The following OPRM1 variants were observed in gnomAD, a reference collection of about 807,000 sequenced individuals.
OPRM1 encodes mu-type opioid receptor.
Under a neutral mutation model 31.8 loss-of-function variants are expected in OPRM1, and 27 were observed. The observed-to-expected ratio is 0.85, with a 90% CI of 0.63 to 1.17. The LOEUF (loss-of-function observed/expected upper bound fraction) is 1.17, where lower values mean the gene tolerates loss of function less well. Among genes scored for constraint, OPRM1 ranks in the 50% most tolerant of loss-of-function variants. OPRM1 has a pLI of 0.00. For synonymous variants in OPRM1, 196 were observed against 189.9 expected, an observed-to-expected ratio of 1.03 and a Z score of -0.26; for missense variants, 536 against 511.1, an observed-to-expected ratio of 1.05 and a Z score of -0.47.
chr6:154,096,218 A>G (rs760256101), intron 3 of OPRM1, among the ~76,000 whole-genome samples: 2 of 151,904 alleles, frequency 1.3e-5, no homozygotes, highest in Non-Finnish European at 2.9e-5. Context: ...CACCACACCC[A>G]GCTAATTTTT....
In OPRM1 at chr6:154,099,370, AG is replaced by A. The variant is rs528697468; in HGVS notation, c.1164+7899del. 6.1e-4 allele frequency among the ~76,000 whole-genome samples: 85 copies of A among 140,384 alleles called. 1 individual carries two copies. The South Asian group carries it at 0.011, about 18-fold the overall frequency. 92.1% of individuals were successfully genotyped at this position (140,384 alleles called of 152,430 possible). A position where few individuals can be genotyped will look rare whatever the true frequency, so the allele number is the denominator to read the frequency against. On this transcript the variant is annotated intron_variant, in intron 3 of 3. Coordinates refer to ENST00000330432, the MANE Select transcript of OPRM1 (RefSeq NM_000914.5). Reference sequence around the variant, plus strand: ...GAGCGAGAGAGAGAGAGAGAGAGAAAGAAAGAGAAAGAAAGAGAAAGAAAGA... The same window carrying A: ...GAGCGAGAGAGAGAGAGAGAGAGAAAAAAGAGAAAGAAAGAGAAAGAAAGA...
downstream of OPRM1, among the ~76,000 whole-genome samples, chr6:154,136,831 G>A (rs1342973752): frequency 1.3e-5 from 2 of 152,114 alleles, no homozygotes; most frequent in Non-Finnish European, 2.9e-5. Flanking sequence ...GAAAAGGGAG[G>A]CAAGCCGAGC....
intron 1 of OPRM1, among the ~76,000 whole-genome samples, chr6:154,019,747 C>CTTTTCTTTTTTTTTTTTTTTTTTTTT (rs61209522): frequency 4.1e-5 from 5 of 122,016 alleles, no homozygotes; most frequent in African/African-American, 1.0e-4. Context: ...CTTTTCTTTT[C>CTTTTCTTTTTTTTTTTTTTTTTTTTT]TTTTTTTTTT....
intron 3 of OPRM1, among the ~76,000 whole-genome samples, chr6:154,149,946 A>G (rs1007727385): frequency 2.6e-5 from 4 of 152,162 alleles, no homozygotes; most frequent in Non-Finnish European, 5.9e-5. Flanking sequence ...GACAGCCACC[A>G]TAGCTTTTTA....
chr6:154,130,582 CCTA>C lies in OPRM1; in HGVS notation c.*11862_*11864del, dbSNP rs1797839632. ...TTAGGCATAGCTATATGAATATTTG[CCTA>C]TAAATCCCCATCAATTTAATAGGAA... is the stretch of plus-strand genomic sequence containing the variant. On this transcript the variant is annotated 3_prime_UTR_variant, in exon 4 of 4. Coordinates refer to ENST00000330432, the MANE Select transcript of OPRM1 (RefSeq NM_000914.5). 6.6e-6 allele frequency among the ~76,000 whole-genome samples: 1 copy of C among 151,878 alleles called. No individual in the cohort carries two copies. Among genetic ancestry groups the C allele is most frequent in the Admixed American group, 6.6e-5 (1 of 15,240 alleles).
At chr6:154,028,206 C>T (rs988916029) in intron 1 of OPRM1, among the ~76,000 whole-genome samples, 2 of 152,122 alleles carry the variant, frequency 1.3e-5, no homozygotes, top group African/African-American at 2.4e-5. Context: ...GTAAATTTTT[C>T]CAGGACTGGG....
intron 3 of OPRM1, among the ~76,000 whole-genome samples, chr6:154,169,122 A>T (rs1356662658): frequency 1.3e-5 from 2 of 151,586 alleles, no homozygotes; most frequent in Non-Finnish European, 2.9e-5. Flanking sequence ...ACACTTTGGG[A>T]GGCCAAGGCA....
At chr6:154,073,421 GTAT>G (rs1787212673) in intron 1 of OPRM1, 1 of 152,214 alleles carries the variant, frequency 6.6e-6, no homozygotes, top group Admixed American at 6.5e-5. Flanking sequence ...AGCCACTAAT[GTAT>G]TATGTCTACT....
chr6:154,169,779 C>T (rs1224151427), intron 3 of OPRM1, among the ~76,000 whole-genome samples: 2 of 152,230 alleles, frequency 1.3e-5, no homozygotes, highest in African/African-American at 2.4e-5. Flanking sequence ...GGCAGTTCCA[C>T]CATTCTGGCC....
intron 3 of OPRM1, among the ~76,000 whole-genome samples, chr6:154,222,214 C>T (rs1287025515): frequency 6.6e-6 from 1 of 152,204 alleles, no homozygotes; most frequent in South Asian, 2.1e-4. Context: ...ATGAGAAGGG[C>T]TTCCACTTTA....
At chr6:154,152,331 G>GAAAAGAAAAGA (rs748560205) in intron 3 of OPRM1, among the ~76,000 whole-genome samples, 15 of 50,680 alleles carry the variant, frequency 3.0e-4, no homozygotes, top group Middle Eastern at 7.9e-3. Flanking sequence ...AAGAAAGAAA[G>GAAAAGAAAAGA]AAAGAAAGAA....
intron 3 of OPRM1, among the ~76,000 whole-genome samples, chr6:154,233,184 G>C (rs568210195): frequency 3.9e-5 from 6 of 152,234 alleles, no homozygotes; most frequent in Non-Finnish European, 8.8e-5. Context: ...GGCCAGACTG[G>C]TCTCAAACTA....
chr6:154,216,400 C>T (rs1442772061), intron 3 of OPRM1, among the ~76,000 whole-genome samples: 4 of 151,852 alleles, frequency 2.6e-5, no homozygotes, highest in Admixed American at 2.0e-4. Flanking sequence ...TTACAAATTT[C>T]CAAATTTGTA....
chr6:154,119,937 C>T lies in OPRM1; in HGVS notation c.*1216C>T, dbSNP rs956884066. On this transcript the variant is annotated 3_prime_UTR_variant, in exon 4 of 4. Coordinates refer to ENST00000330432, the MANE Select transcript of OPRM1 (RefSeq NM_000914.5). ...AAGATTTCCTTTGTAAAGTGTCGAT[C>T]TTCTAAGTAGTTTCTTTAAGACAAT... Among the ~76,000 whole-genome samples, 2 of 152,162 alleles carry T rather than the reference C, an allele frequency of 1.3e-5. No homozygotes were observed. The highest frequency in any genetic ancestry group is 4.8e-5 in the African/African-American group (2 of 41,444).
At chr6:154,238,812 C>T (rs1457690821) in intron 3 of OPRM1, among the ~76,000 whole-genome samples, 1 of 152,050 alleles carries the variant, frequency 6.6e-6, no homozygotes, top group East Asian at 1.9e-4. Flanking sequence ...TCCCAAAGTG[C>T]TGGGATTACA....
rs1367783774 is a variant in OPRM1 at position 154,122,272 on chromosome 6, A to G, written c.*3551A>G. On this transcript the variant is annotated 3_prime_UTR_variant, in exon 4 of 4. Transcript: ENST00000330432. Reference sequence around the variant, plus strand: ...CCACCAGCAGAAAATTGGTTTCTCAAGGAATCCCTACTGCCCTTGTAGAAA... The same window carrying G: ...CCACCAGCAGAAAATTGGTTTCTCAGGGAATCCCTACTGCCCTTGTAGAAA... 6.6e-6 allele frequency among the ~76,000 whole-genome samples: 1 copy of G among 152,218 alleles called. No homozygotes were observed. The highest frequency in any genetic ancestry group is 2.4e-5 in the African/African-American group (1 of 41,462).
chr6:154,026,990 T>C (rs1778735087), intron 1 of OPRM1, among the ~76,000 whole-genome samples: 1 of 152,218 alleles, frequency 6.6e-6, no homozygotes, highest in African/African-American at 2.4e-5. Context: ...TCGTATTTTC[T>C]TGGATTGTCT....
intron 3 of OPRM1, among the ~76,000 whole-genome samples, chr6:154,194,614 C>A (rs1445618575): frequency 2.0e-5 from 3 of 152,166 alleles, no homozygotes; most frequent in Non-Finnish European, 2.9e-5. Context: ...ATCTCCCATA[C>A]CTTTGCCCCA....
intron 1 of OPRM1, among the ~76,000 whole-genome samples, chr6:154,068,291 T>A (rs1785894276): frequency 6.6e-6 from 1 of 152,218 alleles, no homozygotes; most frequent in South Asian, 2.1e-4. Flanking sequence ...ATAGTCACCA[T>A]GTTGTACAAT....
Sources: gnomAD v4.1 joint callset for allele counts (sites outside exome capture counted in the v4.1 genomes callset) on GRCh38, gnomAD v4.1.1 for gene constraint, MANE v1.5 for transcripts, NCBI Gene and HGNC (gene_info 2026-07-23, HGNC 2026-07-21) for gene names.